Variants in RPS6KC1 observed in about 807,000 individuals in gnomAD.
RPS6KC1 encodes the protein ribosomal protein S6 kinase C1, also known as inactive ribosomal protein S6 kinase delta-1.
In RPS6KC1, 54 loss-of-function variants were observed where a neutral mutation model predicts 103.8. The ratio of observed to expected loss-of-function variants is 0.52; its 90% CI spans 0.42 to 0.65. The LOEUF is 0.65. Among genes scored for constraint, RPS6KC1 ranks in the 30% least tolerant of loss-of-function variants. RPS6KC1 has a pLI of 0.00. For synonymous variants in RPS6KC1, 439 were observed against 438.7 expected, an observed-to-expected ratio of 1.00 and a Z score of -0.01; for missense variants, 1,151 against 1,253.8, an observed-to-expected ratio of 0.92 and a Z score of 1.24.
chr1:213,652,282 T>G, the RPS6KC1 span, among the ~76,000 whole-genome samples: 1 of 152,186 alleles, frequency 6.6e-6, no homozygotes, highest in Non-Finnish European at 1.5e-5. Flanking sequence ...CTTTAATCCT[T>G]TCAGTGGTCC....
intron 12 of RPS6KC1, among the ~76,000 whole-genome samples, chr1:213,247,891 A>G (rs974287882): frequency 6.6e-6 from 1 of 152,268 alleles, no homozygotes; most frequent in Middle Eastern, 3.4e-3. Flanking sequence ...CTGAGTATAT[A>G]TTTTTACTCA....
At chr1:213,832,427 C>A in the RPS6KC1 span, 1 of 152,166 alleles carries the variant, frequency 6.6e-6, no homozygotes, top group African/African-American at 2.4e-5. Flanking sequence ...TGGATAGATT[C>A]TTGAGTGAAT....
chr1:213,159,322 T>A (rs1256866466), intron 6 of RPS6KC1, among the ~76,000 whole-genome samples: 1 of 152,164 alleles, frequency 6.6e-6, no homozygotes, highest in African/African-American at 2.4e-5. Flanking sequence ...GACAAAAATG[T>A]TTACTGGAAA....
At chr1:213,137,777 C>CTCTCTCTCTCTCTCTA (rs1387641875) in intron 6 of RPS6KC1, among the ~76,000 whole-genome samples, 5 of 63,586 alleles carry the variant, frequency 7.9e-5, no homozygotes, top group African/African-American at 4.3e-4. Context: ...CTCTCTCTCT[C>CTCTCTCTCTCTCTCTA]TATATATATA....
intron 6 of RPS6KC1, among the ~76,000 whole-genome samples, chr1:213,151,730 A>AC (rs1422847926): frequency 3.4e-5 from 3 of 87,798 alleles, no homozygotes; most frequent in Admixed American, 1.2e-4. Flanking sequence ...CGGGGGGCTG[A>AC]CCCCCCCACC....
chr1:213,246,989 A>G (rs77029653), intron 12 of RPS6KC1, among the ~76,000 whole-genome samples: 4,620 of 152,326 alleles, frequency 0.03, 221 homozygotes, highest in African/African-American at 0.11. Flanking sequence ...ATAGTCACTT[A>G]AGTTTCCCAT....
the RPS6KC1 span, among the ~76,000 whole-genome samples, chr1:213,625,754 T>C: frequency 1.3e-5 from 2 of 152,218 alleles, no homozygotes; most frequent in Non-Finnish European, 2.9e-5. Flanking sequence ...ACAAAGGATA[T>C]GAACTCATCA....
chr1:213,860,897 C>T, the RPS6KC1 span, among the ~76,000 whole-genome samples: 7 of 151,938 alleles, frequency 4.6e-5, no homozygotes, highest in Non-Finnish European at 1.0e-4. Context: ...CAACCTCTGC[C>T]TCCTGGGTTC....
chr1:213,824,571 T>G, the RPS6KC1 span, among the ~76,000 whole-genome samples: 6 of 152,176 alleles, frequency 3.9e-5, no homozygotes, highest in Non-Finnish European at 8.8e-5. Flanking sequence ...TCCCACATGT[T>G]GTGGGAGGGA....
chr1:213,701,994 A>G, the RPS6KC1 span, among the ~76,000 whole-genome samples: 2 of 151,906 alleles, frequency 1.3e-5, no homozygotes, highest in African/African-American at 2.4e-5. Flanking sequence ...TAGTTCTTTA[A>G]TAAGCATCAT....
chr1:213,502,427 A>G, the RPS6KC1 span, among the ~76,000 whole-genome samples: 3 of 152,254 alleles, frequency 2.0e-5, no homozygotes, highest in Non-Finnish European at 4.4e-5. Flanking sequence ...CATTAATAAG[A>G]TATAAAATGG....
At chr1:213,474,739 A>T in the RPS6KC1 span, among the ~76,000 whole-genome samples, 9 of 152,150 alleles carry the variant, frequency 5.9e-5, no homozygotes, top group African/African-American at 2.2e-4. Context: ...TCTAAATAGG[A>T]AATTTGGATC....
intron 6 of RPS6KC1, among the ~76,000 whole-genome samples, chr1:213,159,739 T>G (rs1209726822): frequency 6.6e-6 from 1 of 152,224 alleles, no homozygotes; most frequent in East Asian, 1.9e-4. Context: ...AGCAGAGAGA[T>G]AGATGAGGAT....
At chr1:213,636,530 A>C in the RPS6KC1 span, among the ~76,000 whole-genome samples, 2 of 152,194 alleles carry the variant, frequency 1.3e-5, no homozygotes, top group African/African-American at 2.4e-5. Flanking sequence ...TTCCCTATTT[A>C]ATAAATGGTG....
At chr1:213,557,070 A>G in the RPS6KC1 span, among the ~76,000 whole-genome samples, 1 of 152,134 alleles carries the variant, frequency 6.6e-6, no homozygotes, top group Non-Finnish European at 1.5e-5. Flanking sequence ...GATGGAAGTA[A>G]GAGGATGAGA....
the RPS6KC1 span, among the ~76,000 whole-genome samples, chr1:213,477,204 A>G: frequency 6.6e-6 from 1 of 152,226 alleles, no homozygotes; most frequent in East Asian, 1.9e-4. Flanking sequence ...TTTTTAAGAT[A>G]TTTAAAGTTT....
At chr1:213,503,737 A>G in the RPS6KC1 span, among the ~76,000 whole-genome samples, 32,512 of 152,222 alleles carry the variant, frequency 0.21, 4,350 homozygotes, top group Middle Eastern at 0.33. Flanking sequence ...AAACAGACAA[A>G]TAAAAATTGA....
chr1:213,447,201 G>A, the RPS6KC1 span, among the ~76,000 whole-genome samples: 3 of 151,904 alleles, frequency 2.0e-5, no homozygotes, highest in African/African-American at 7.3e-5. Flanking sequence ...ATAAGTAGGT[G>A]GGACAACAGG....
At chr1:213,430,094 G>C in the RPS6KC1 span, among the ~76,000 whole-genome samples, 1 of 152,186 alleles carries the variant, frequency 6.6e-6, no homozygotes, top group Non-Finnish European at 1.5e-5. Context: ...CAGTCACCTA[G>C]TCGTCTTCCA....
Sources: gnomAD v4.1 joint callset for allele counts (sites outside exome capture counted in the v4.1 genomes callset) on GRCh38, gnomAD v4.1.1 for gene constraint, MANE v1.5 for transcripts, NCBI Gene and HGNC (gene_info 2026-07-23, HGNC 2026-07-21) for gene names.